Variants in MBD5 observed in about 807,000 individuals in gnomAD.
MBD5 encodes methyl-CpG-binding domain protein 5.
Under a neutral mutation model 117.3 loss-of-function variants are expected in MBD5, and 13 were observed. That is an observed-to-expected ratio of 0.11 (90% CI 0.07 to 0.18). The LOEUF is 0.18. Ranked by LOEUF, MBD5 falls within the 10% of genes least tolerant of loss-of-function variation. The pLI is 1.00. For synonymous variants in MBD5, 727 were observed against 766.4 expected, an observed-to-expected ratio of 0.95 and a Z score of 0.85; for missense variants, 1,879 against 2,093.8, an observed-to-expected ratio of 0.90 and a Z score of 2.00.
intron 3 of MBD5, among the ~76,000 whole-genome samples, chr2:148,271,815 T>C (rs1444564776): frequency 6.6e-6 from 1 of 152,196 alleles, no homozygotes; most frequent in Non-Finnish European, 1.5e-5. Flanking sequence ...TACTCAGCAA[T>C]TGTCATTGTG....
chr2:148,475,261 A>G (rs1037871136), intron 8 of MBD5, among the ~76,000 whole-genome samples: 5 of 152,128 alleles, frequency 3.3e-5, no homozygotes, highest in Non-Finnish European at 5.9e-5. Context: ...AAACAACAGA[A>G]CTATACTAAA....
chr2:148,464,048 C>A, intron 7 of MBD5, 129 bp downstream of exon 7: 2 of 945,772 alleles, frequency 2.1e-6, no homozygotes, highest in Non-Finnish European at 3.1e-6. Flanking sequence ...TTCTGTATGT[C>A]CTGTAATTTT....
At chr2:148,047,757 C>A (rs1694571075) in intron 1 of MBD5, among the ~76,000 whole-genome samples, 1 of 152,170 alleles carries the variant, frequency 6.6e-6, no homozygotes, top group African/African-American at 2.4e-5. Context: ...CCTCCTTTGG[C>A]AGAATGGCCC....
chr2:148,441,013 G>A (rs115198128), intron 4 of MBD5, among the ~76,000 whole-genome samples: 2,454 of 152,292 alleles, frequency 0.016, 33 homozygotes, highest in Non-Finnish European at 0.021. Context: ...TTAATGACAT[G>A]TGAGGACTTC....
chr2:148,030,158 C>T (rs1278756514), intron 1 of MBD5, among the ~76,000 whole-genome samples: 2 of 151,956 alleles, frequency 1.3e-5, no homozygotes, highest in Non-Finnish European at 2.9e-5. Context: ...CTAATCCCAG[C>T]TGCTTGGGAG....
chr2:148,111,910 A>G (rs1696511635), intron 1 of MBD5, among the ~76,000 whole-genome samples: 1 of 152,188 alleles, frequency 6.6e-6, no homozygotes, highest in Non-Finnish European at 1.5e-5. Context: ...AATAATTAAC[A>G]GTAAAATAGA....
At chr2:148,250,594 G>T (rs776697426) in intron 3 of MBD5, among the ~76,000 whole-genome samples, 5 of 152,130 alleles carry the variant, frequency 3.3e-5, no homozygotes, top group Non-Finnish European at 5.9e-5. Context: ...AACATAACGT[G>T]ATGAAAAACT....
intron 1 of MBD5, among the ~76,000 whole-genome samples, chr2:148,087,175 GAAAGCAGCAGCAGGCTGCTGC>G (rs775723875): frequency 3.3e-5 from 5 of 152,166 alleles, no homozygotes; most frequent in Non-Finnish European, 5.9e-5. Context: ...CCAATCCTTT[GAAAGCAGCAGCAGGCTGCTGC>G]AAATTCTGTG....
chr2:148,271,996 G>A (rs1283962608), intron 3 of MBD5, among the ~76,000 whole-genome samples: 1 of 152,062 alleles, frequency 6.6e-6, no homozygotes, highest in Non-Finnish European at 1.5e-5. Context: ...ACTACTATGA[G>A]TTTGACTTTT....
intron 3 of MBD5, among the ~76,000 whole-genome samples, chr2:148,295,418 TG>T (rs1033536017): frequency 2.4e-4 from 37 of 152,324 alleles, no homozygotes; most frequent in African/African-American, 8.9e-4. Context: ...CCATAGTCTT[TG>T]CTTCATTGTG....
intron 8 of MBD5, among the ~76,000 whole-genome samples, chr2:148,479,720 G>GTTTTT (rs34758495): frequency 1.4e-5 from 2 of 142,344 alleles, no homozygotes; most frequent in Admixed American, 1.4e-4. Context: ...TGTCTTTGTT[G>GTTTTT]TTTTTTTTTT....
intron 4 of MBD5, among the ~76,000 whole-genome samples, chr2:148,387,261 G>T (rs986464838): frequency 1.6e-4 from 25 of 152,100 alleles, no homozygotes; most frequent in Admixed American, 5.2e-4. Flanking sequence ...TTGACATTAG[G>T]GAGGAAAATT....
intron 1 of MBD5, among the ~76,000 whole-genome samples, chr2:148,138,988 T>C (rs1209615702): frequency 6.6e-6 from 1 of 152,228 alleles, no homozygotes; most frequent in Admixed American, 6.5e-5. Flanking sequence ...TTGTTTCTTT[T>C]TGAAAGCTAA....
intron 2 of MBD5, among the ~76,000 whole-genome samples, chr2:148,205,257 T>G (rs569039259): frequency 5.3e-5 from 8 of 152,148 alleles, no homozygotes; most frequent in Middle Eastern, 3.4e-3. Context: ...TATTTTTATT[T>G]TTTTGTATTT....
chr2:148,329,887 T>C (rs1702586263), intron 3 of MBD5, among the ~76,000 whole-genome samples: 1 of 152,130 alleles, frequency 6.6e-6, no homozygotes, highest in African/African-American at 2.4e-5. Context: ...TATAAAAAAT[T>C]ATGTTAGTAA....
intron 4 of MBD5, among the ~76,000 whole-genome samples, chr2:148,363,541 C>T (rs969116534): frequency 5.3e-5 from 8 of 152,042 alleles, no homozygotes; most frequent in Admixed American, 3.9e-4. Flanking sequence ...CCTCTGAGAA[C>T]CTTGAGAAAA....
intron 2 of MBD5, among the ~76,000 whole-genome samples, chr2:148,222,652 G>C (rs1260339652): frequency 6.6e-6 from 1 of 151,848 alleles, no homozygotes; most frequent in Admixed American, 6.6e-5. Flanking sequence ...GAATAGTTGT[G>C]TGTATGTGTG....
Position 148,483,761 on chromosome 2 carries a change from C to CCCT in MBD5, c.3170_3171insCCT (p.Leu1058dup). 2 of 1,550,584 alleles carry CCCT rather than the reference C, an allele frequency of 1.3e-6. No homozygotes were observed. The highest frequency in any genetic ancestry group is 1.7e-6 in the Non-Finnish European group (2 of 1,146,984). The stretch of plus-strand genomic sequence containing the variant: ...CTTTTAACCAGCCCCCTGGGGAACC[C>CCCT]TTTACCAAGCTTTGCAGGCAGTGAC... On this transcript the variant is annotated inframe_insertion, in exon 9 of 14. Transcript: ENST00000642680.
intron 1 of MBD5, among the ~76,000 whole-genome samples, chr2:148,096,052 G>A (rs552490131): frequency 1.3e-5 from 2 of 152,034 alleles, no homozygotes; most frequent in Non-Finnish European, 2.9e-5. Context: ...TCTTTTTCTG[G>A]TATGCTTTTG....
Sources: gnomAD v4.1 joint callset for allele counts (sites outside exome capture counted in the v4.1 genomes callset) on GRCh38, gnomAD v4.1.1 for gene constraint, MANE v1.5 for transcripts, NCBI Gene and HGNC (gene_info 2026-07-23, HGNC 2026-07-21) for gene names.